UVRAG: variants seen among roughly 807,000 people sequenced by gnomAD.
The protein encoded by UVRAG is UV radiation resistance-associated gene protein.
Under a neutral mutation model 78.0 loss-of-function variants are expected in UVRAG, and 19 were observed. The observed-to-expected ratio is 0.24, with a 90% confidence interval of 0.17 to 0.36. The LOEUF is 0.36. Among genes scored for constraint, UVRAG ranks in the 10% least tolerant of loss-of-function variants. UVRAG has a pLI of 1.00. For synonymous variants in UVRAG, 323 were observed against 324.6 expected (o/e 1.00, Z 0.05); for missense variants, 740 against 853.8 (o/e 0.87, Z 1.66).
At chr11:75,872,005 C>T (rs1340107382) in intron 3 of UVRAG, among the ~76,000 whole-genome samples, 6 of 152,092 alleles carry the variant, frequency 3.9e-5, no homozygotes, top group Non-Finnish European at 8.8e-5. Context: ...AAACAAATCC[C>T]GAACAAGTAT....
Position 76,041,792 on chromosome 11 carries a change from C to A in UVRAG, c.1227-23918C>A, listed in dbSNP as rs570810969. On this transcript the variant is annotated intron_variant, in intron 12 of 14. Transcript: ENST00000356136. ...ATATAAACAGGCCTTATATTATATT[C>A]TAGTAATACAAAGATTAATAGCAAT... Among the ~76,000 whole-genome samples the A allele has an allele frequency of 4.9e-4, 75 of 152,232 alleles. 1 individual carries two copies. The South Asian group carries it at 0.015, about 31-fold the overall frequency.
intron 13 of UVRAG, among the ~76,000 whole-genome samples, chr11:76,088,254 G>A (rs188554494): frequency 2.0e-4 from 31 of 152,170 alleles, no homozygotes; most frequent in African/African-American, 6.7e-4. Flanking sequence ...AGTTTCCATT[G>A]GCTGATTTTT....
intron 1 of UVRAG, among the ~76,000 whole-genome samples, chr11:75,816,263 T>C (rs1219590674): frequency 6.6e-6 from 1 of 152,208 alleles, no homozygotes. Flanking sequence ...TGTAGGAAGA[T>C]AAGAAGGGGG....
At chr11:75,836,703 A>C (rs546918204) in intron 1 of UVRAG, among the ~76,000 whole-genome samples, 1 of 152,306 alleles carries the variant, frequency 6.6e-6, no homozygotes, top group Non-Finnish European at 1.5e-5. Flanking sequence ...ACAAGAGTGC[A>C]CTTTCAAATA....
intron 8 of UVRAG, among the ~76,000 whole-genome samples, chr11:75,988,228 A>G (rs1949538803): frequency 6.6e-6 from 1 of 152,206 alleles, no homozygotes; most frequent in Non-Finnish European, 1.5e-5. Context: ...ATCAGTGATA[A>G]CATTTCTATC....
chr11:76,126,316 A>G (rs1236816169), intron 14 of UVRAG, among the ~76,000 whole-genome samples: 1 of 152,218 alleles, frequency 6.6e-6, no homozygotes, highest in Non-Finnish European at 1.5e-5. Context: ...TAATTCAAAT[A>G]AAATCCAAGT....
intron 1 of UVRAG, among the ~76,000 whole-genome samples, chr11:75,838,095 A>C (rs1035024993): frequency 3.9e-5 from 6 of 152,120 alleles, no homozygotes; most frequent in South Asian, 2.1e-4. Context: ...TTAAAAAAAA[A>C]CCCTACAAAC....
At chr11:76,129,219 T>C (rs1003483345) in intron 14 of UVRAG, among the ~76,000 whole-genome samples, 1 of 152,238 alleles carries the variant, frequency 6.6e-6, no homozygotes, top group Non-Finnish European at 1.5e-5. Context: ...GAAGTCCTGC[T>C]TTAACCATTA....
intron 6 of UVRAG, among the ~76,000 whole-genome samples, chr11:75,952,779 T>C (rs1948728210): frequency 6.6e-6 from 1 of 152,096 alleles, no homozygotes; most frequent in Admixed American, 6.6e-5. Context: ...CATGTTTTGG[T>C]ATCAGGGTCA....
chr11:76,022,788 T>C (rs1950268934), intron 12 of UVRAG, among the ~76,000 whole-genome samples: 1 of 152,216 alleles, frequency 6.6e-6, no homozygotes, highest in East Asian at 1.9e-4. Flanking sequence ...AACTTACTTA[T>C]GCCACTTTGC....
rs1336224216 is a variant in UVRAG, at chr11:75,860,216, AT to A, written c.236-1528del. ...CGCCTCAGCCTCCCAAAGTGCTGGG[AT>A]TACAGGCGTGAGCCACCACACCCAG... On this transcript the variant is annotated intron_variant, in intron 2 of 14. Coordinates refer to ENST00000356136, the MANE Select transcript of UVRAG (RefSeq NM_003369.4). Among the ~76,000 whole-genome samples the A allele has an allele frequency of 2.0e-5, 3 of 152,376 alleles. No individual in the cohort carries two copies. In the East Asian group the frequency reaches 5.8e-4, roughly 29 times the overall value.
chr11:75,848,914 C>G (rs750279333), intron 1 of UVRAG, among the ~76,000 whole-genome samples: 1 of 152,100 alleles, frequency 6.6e-6, no homozygotes, highest in Non-Finnish European at 1.5e-5. Flanking sequence ...TGTGGTGGCT[C>G]ACAACTGTAA....
At chr11:75,951,556 A>G (rs1004986206) in intron 6 of UVRAG, among the ~76,000 whole-genome samples, 1 of 151,906 alleles carries the variant, frequency 6.6e-6, no homozygotes, top group Non-Finnish European at 1.5e-5. Flanking sequence ...CTAATTTTGT[A>G]TTTTTAGTAG....
chr11:76,115,391 T>A (rs1952159125), intron 13 of UVRAG, among the ~76,000 whole-genome samples: 2 of 152,204 alleles, frequency 1.3e-5, no homozygotes, highest in South Asian at 4.1e-4. Flanking sequence ...TTGCAATGTA[T>A]TTGTTTAATA....
rs756312250 is a variant in UVRAG at position 75,911,985 on chromosome 11, T to A, written c.539T>A (p.Leu180Gln). Residue 180 changes from leucine (L) to glutamine (Q), a missense_variant, in exon 6 of 15, where the codon CTG (leucine) becomes CAG (glutamine). Physicochemically the swap from Leu to Gln is moderately radical, Grantham distance 113. Transcript: ENST00000356136. ...GYSNAQKTIL[L>Q]QVDQNCVRNS... ...TCAAATGCTCAGAAGACTATTCTTC[T>A]GCAGGTGGATCAGAACTGTGTTCGC... is the stretch of plus-strand genomic sequence containing the variant. 8.1e-6 allele frequency: 13 copies of A among 1,613,460 alleles called. No individual in the cohort carries two copies. The South Asian group carries it at 1.1e-4, about 14-fold the overall frequency.
intron 1 of UVRAG, among the ~76,000 whole-genome samples, chr11:75,831,882 A>G (rs774407888): frequency 6.6e-6 from 1 of 152,344 alleles, no homozygotes; most frequent in East Asian, 1.9e-4. Flanking sequence ...ACTTTCCATT[A>G]GCCTATAGTT....
intron 8 of UVRAG, among the ~76,000 whole-genome samples, chr11:75,997,081 T>C (rs1949722243): frequency 6.6e-6 from 1 of 152,222 alleles, no homozygotes; most frequent in Admixed American, 6.5e-5. Context: ...AGTTGTAATT[T>C]TGCAAAAGTT....
At chr11:76,109,306 G>A (rs1040730845) in intron 13 of UVRAG, among the ~76,000 whole-genome samples, 1 of 152,184 alleles carries the variant, frequency 6.6e-6, no homozygotes, top group Admixed American at 6.5e-5. Flanking sequence ...TGCCTTTGCT[G>A]TTGTTTCCCT....
intron 12 of UVRAG, among the ~76,000 whole-genome samples, chr11:76,032,520 A>C (rs1950454264): frequency 6.6e-6 from 1 of 152,192 alleles, no homozygotes; most frequent in Non-Finnish European, 1.5e-5. Context: ...ATGTTTATTG[A>C]GCACTAGGAC....
Sources: allele counts gnomAD v4.1 joint callset (sites outside exome capture counted in the v4.1 genomes callset), GRCh38; gene constraint gnomAD v4.1.1; transcripts MANE v1.5; gene names NCBI Gene and HGNC (gene_info 2026-07-23, HGNC 2026-07-21).